The following ITPKB variants were observed in gnomAD, a reference collection of about 807,000 sequenced individuals.
The protein encoded by ITPKB is IP3 3-kinase B.
Under a neutral mutation model 69.4 loss-of-function variants are expected in ITPKB, and 13 were observed. The observed-to-expected ratio is 0.19, with a 90% CI of 0.12 to 0.30. The LOEUF (loss-of-function observed/expected upper bound fraction) is 0.30. Ranked by LOEUF, ITPKB falls within the 10% of genes least tolerant of loss-of-function variation. The pLI, the probability that ITPKB is intolerant of heterozygous loss-of-function variation, is 1.00. For synonymous variants in ITPKB, 584 were observed against 513.7 expected, an observed-to-expected ratio of 1.14 and a Z score of -1.85; for missense variants, 1,240 against 1,250.5, an observed-to-expected ratio of 0.99 and a Z score of 0.13.
At chr1:226,697,852 C>T (rs1455842497) in intron 2 of ITPKB, among the ~76,000 whole-genome samples, 4 of 152,220 alleles carry the variant, frequency 2.6e-5, no homozygotes, top group East Asian at 3.8e-4. Flanking sequence ...GATGTGCCCT[C>T]ACATCTGGGT....
chr1:226,737,020 C>A lies in ITPKB; in HGVS notation c.439G>T (p.Val147Leu), dbSNP rs1053809820. 6.2e-7 allele frequency: 1 copy of A among 1,612,718 alleles called. No individual in the cohort carries two copies. The highest frequency in any genetic ancestry group is 1.7e-5 in the Admixed American group (1 of 60,012). Residue 147 changes from valine to leucine, a missense_variant, in exon 2 of 8, where the codon GTG (valine) becomes TTG (leucine). Val to Leu is a conservative substitution (Grantham distance 32, BLOSUM62 1). Around this residue, in one of 2 missense-constraint regions of ITPKB, gnomAD observed 992 missense variants for 853.8 expected, o/e 1.16. Coordinates refer to ENST00000429204, the MANE Select transcript of ITPKB (RefSeq NM_002221.4). ...TGGATGTGCGCCTCAAACATGCCCA[C>A]TTTCTGGTTCACCTGCACGTTCTGC... ...ELQNVQVNQK[V>L]GMFEAHIQAQ...
chr1:226,736,658 A>C lies in ITPKB; in HGVS notation c.801T>G (p.Cys267Trp). ...MEKGIPASPR[C>W]GSPTAMEIDK... ...CAATTTCCATAGCTGTGGGTGAGCC[A>C]CAGCGGGGACTGGCAGGGATACCCT... Residue 267 changes from cysteine to tryptophan, a missense_variant, in exon 2 of 8, where the codon TGT becomes TGG. Around this residue, in one of 2 missense-constraint regions of ITPKB, gnomAD observed 992 missense variants for 853.8 expected, o/e 1.16. Coordinates refer to ENST00000429204, the MANE Select transcript of ITPKB (RefSeq NM_002221.4). 2 of 1,613,452 alleles carry C rather than the reference A, an allele frequency of 1.2e-6. No homozygotes were observed. Among genetic ancestry groups the C allele is most frequent in the Non-Finnish European group, 1.7e-6 (2 of 1,179,994 alleles).
intron 7 of ITPKB, among the ~76,000 whole-genome samples, chr1:226,635,872 C>T (rs901921562): frequency 6.6e-6 from 1 of 152,260 alleles, no homozygotes; most frequent in African/African-American, 2.4e-5. Flanking sequence ...CACACATACC[C>T]CTGCATCACC....
rs147153194 is a variant in ITPKB, at chr1:226,715,245, C to T, written c.1932+20282G>A. Among the ~76,000 whole-genome samples, 8 of 152,338 alleles carry T rather than the reference C, an allele frequency of 5.3e-5. No individual in the cohort carries two copies. In the East Asian group the frequency reaches 5.8e-4, roughly 11 times the overall value. ...ATCCCTACTGCCAGTACACCATGAA[C>T]GTTTGTGAACTCCATGGGTAAAGCG... is the stretch of plus-strand genomic sequence containing the variant. On this transcript the variant is annotated intron_variant, in intron 2 of 7. Coordinates refer to ENST00000429204, the MANE Select transcript of ITPKB (RefSeq NM_002221.4).
chr1:226,640,487 G>A (rs1322999862), intron 5 of ITPKB, among the ~76,000 whole-genome samples: 1 of 152,176 alleles, frequency 6.6e-6, no homozygotes, highest in African/African-American at 2.4e-5. Flanking sequence ...CGGGGGCTGT[G>A]GGCAGTGCAC....
At chr1:226,695,306 A>G (rs1656451856) in intron 2 of ITPKB, among the ~76,000 whole-genome samples, 1 of 152,214 alleles carries the variant, frequency 6.6e-6, no homozygotes, top group Non-Finnish European at 1.5e-5. Flanking sequence ...AAAAATCAAG[A>G]GTCAAAATTA....
At chr1:226,737,914 C>T (rs1657856345) in intron 1 of ITPKB, among the ~76,000 whole-genome samples, 1 of 152,192 alleles carries the variant, frequency 6.6e-6, no homozygotes, top group Non-Finnish European at 1.5e-5. Context: ...TATGAGGTCC[C>T]TTCAAATCCC....
intron 2 of ITPKB, among the ~76,000 whole-genome samples, chr1:226,659,025 G>A (rs1265179854): frequency 2.0e-5 from 3 of 152,206 alleles, no homozygotes; most frequent in Non-Finnish European, 4.4e-5. Context: ...TCGGGCTGAA[G>A]GCTGGAGCTC....
intron 2 of ITPKB, among the ~76,000 whole-genome samples, chr1:226,678,002 T>C (rs908003213): frequency 2.0e-5 from 3 of 152,088 alleles, no homozygotes; most frequent in African/African-American, 7.2e-5. Context: ...ATCAAGCTTG[T>C]ACAGGCATTA....
At chr1:226,656,465 C>T (rs544683760) in intron 2 of ITPKB, among the ~76,000 whole-genome samples, 19 of 152,356 alleles carry the variant, frequency 1.2e-4, no homozygotes, top group African/African-American at 4.6e-4. Context: ...GAAGCCACAG[C>T]TGTGCTGGGA....
At chr1:226,703,826 G>T (rs1225370879) in intron 2 of ITPKB, among the ~76,000 whole-genome samples, 1 of 152,208 alleles carries the variant, frequency 6.6e-6, no homozygotes, top group East Asian at 1.9e-4. Context: ...TTCAGTCTGG[G>T]TTTCCTCATT....
At position 226,640,375 on chromosome 1, in the gene ITPKB, C is replaced by T. The variant is rs1668933644; in HGVS notation, c.2452-717G>A. Among the ~76,000 whole-genome samples, 4 of 152,338 alleles carry T rather than the reference C, an allele frequency of 2.6e-5. No individual in the cohort carries two copies. In the South Asian group the frequency reaches 8.3e-4, roughly 32 times the overall value. On this transcript the variant is annotated intron_variant, in intron 5 of 7. Transcript: ENST00000429204. Reference sequence around the variant, plus strand: ...ACAGTGGGCCGTGTCTGCCCTCAGGCTGGAGAGTACTTCAGCTGTGTCCTC... The same window carrying T: ...ACAGTGGGCCGTGTCTGCCCTCAGGTTGGAGAGTACTTCAGCTGTGTCCTC...
At chr1:226,649,713 A>C (rs1393119820) in intron 2 of ITPKB, among the ~76,000 whole-genome samples, 1 of 152,148 alleles carries the variant, frequency 6.6e-6, no homozygotes, top group Non-Finnish European at 1.5e-5. Flanking sequence ...TTCTATTTCC[A>C]TCTGGTGGAG....
chr1:226,730,654 GT>G (rs1247818823), intron 2 of ITPKB, among the ~76,000 whole-genome samples: 6 of 151,984 alleles, frequency 3.9e-5, no homozygotes, highest in South Asian at 2.1e-4. Context: ...AAAGTCTGTA[GT>G]TTTTTTTCCA....
intron 2 of ITPKB, chr1:226,708,029 A>G (rs1340128275): frequency 2.3e-6 from 1 of 438,910 alleles, no homozygotes; most frequent in Non-Finnish European, 3.8e-6. Flanking sequence ...GATGATGTAA[A>G]TGATGTAGTA....
At chr1:226,645,310 C>T (rs977302909) in intron 4 of ITPKB, among the ~76,000 whole-genome samples, 1 of 152,172 alleles carries the variant, frequency 6.6e-6, no homozygotes, top group African/African-American at 2.4e-5. Flanking sequence ...CTCTGCCTGC[C>T]AAGATGGGTT....
intron 2 of ITPKB, among the ~76,000 whole-genome samples, chr1:226,654,764 C>T (rs1669257800): frequency 1.3e-5 from 2 of 152,208 alleles, no homozygotes; most frequent in African/African-American, 4.8e-5. Flanking sequence ...CGGGTCCTTC[C>T]CATCAGGCAT....
chr1:226,727,754 A>G (rs1558098642), intron 2 of ITPKB, among the ~76,000 whole-genome samples: 2 of 152,138 alleles, frequency 1.3e-5, no homozygotes, highest in Admixed American at 6.6e-5. Context: ...GACCAACTTT[A>G]TAAATGTGAG....
chr1:226,696,874 G>A (rs1656502338), intron 2 of ITPKB, among the ~76,000 whole-genome samples: 3 of 152,110 alleles, frequency 2.0e-5, no homozygotes. Flanking sequence ...AGGGGCCGGG[G>A]GGTTAGCACA....
Sources: allele counts gnomAD v4.1 joint callset (sites outside exome capture counted in the v4.1 genomes callset), GRCh38; gene constraint gnomAD v4.1.1; regional missense constraint gnomAD v4.1.1; transcripts MANE v1.5; gene names NCBI Gene and HGNC (gene_info 2026-07-23, HGNC 2026-07-21).